The following ENDOD1 variants were observed in gnomAD, a reference collection of about 807,000 sequenced individuals.
ENDOD1 encodes endonuclease domain-containing 1 protein.
ENDOD1 carries 9 observed loss-of-function variants against 6.5 expected under a neutral mutation model. The ratio of observed to expected loss-of-function variants is 1.39; its 90% CI spans 0.84 to 2.43. ENDOD1 has a LOEUF of 2.43. ENDOD1 is among the 30% of genes most tolerant of loss of function. The pLI is 0.00. For synonymous variants in ENDOD1, 255 were observed against 255.2 expected (o/e 1.00, Z 0.01); for missense variants, 648 against 635.5 (o/e 1.02, Z -0.21).
At chr11:95,090,386 G>A (rs574038268) in intron 1 of ENDOD1, among the ~76,000 whole-genome samples, 159 bp downstream of exon 1, 4 of 33,940 alleles carry the variant, frequency 1.2e-4, no homozygotes, top group Admixed American at 7.0e-4. Context: ...CCACCCTGTT[G>A]CGTCCCCGGA....
intron 1 of ENDOD1, among the ~76,000 whole-genome samples, chr11:95,106,604 C>T (rs1859091369): frequency 6.6e-6 from 1 of 152,108 alleles, no homozygotes; most frequent in African/African-American, 2.4e-5. Flanking sequence ...GGAAGGAAGT[C>T]CTTGCTTACA....
At chr11:95,122,958 G>C (rs573082039) in intron 1 of ENDOD1, among the ~76,000 whole-genome samples, 1 of 152,094 alleles carries the variant, frequency 6.6e-6, no homozygotes, top group East Asian at 1.9e-4. Context: ...GGAGGCCGAG[G>C]CGGGCAGATC....
At chr11:95,115,919 A>G (rs1308669203) in intron 1 of ENDOD1, among the ~76,000 whole-genome samples, 1 of 152,156 alleles carries the variant, frequency 6.6e-6, no homozygotes, top group Non-Finnish European at 1.5e-5. Flanking sequence ...TTTTGCATCA[A>G]TATTCATCAG....
intron 1 of ENDOD1, among the ~76,000 whole-genome samples, chr11:95,098,465 CATTA>C (rs1309135730): frequency 6.6e-6 from 1 of 152,186 alleles, no homozygotes; most frequent in African/African-American, 2.4e-5. Flanking sequence ...AAACCCAGCA[CATTA>C]ATTATGTGAT....
rs1859359457 is a variant in ENDOD1 at position 95,130,351 on chromosome 11, A to T, written c.*772A>T. ...TTTTTTTTTGGGCCCCTTGAATGGT[A>T]TAATACAGTCCTCTCCGGTGGAAAG... On this transcript the variant is annotated 3_prime_UTR_variant, in exon 2 of 2. Transcript: ENST00000278505. The T allele has an allele frequency of 6.6e-6, 1 of 150,552 alleles. No individual in the cohort carries two copies. 9.3% of individuals were successfully genotyped at this position (150,552 alleles called of 1,614,324 possible). A position where few individuals can be genotyped will look rare whatever the true frequency, so the allele number is the denominator to read the frequency against.
rs753828963 is a variant in ENDOD1, at chr11:95,129,474, C to A, written c.1398C>A (p.Leu466=). 6.2e-7 allele frequency: 1 copy of A among 1,614,098 alleles called. No homozygotes were observed. Among genetic ancestry groups the A allele is most frequent in the African/African-American group, 1.3e-5 (1 of 74,926 alleles). Residue 466 remains leucine, a synonymous_variant, in exon 2 of 2, where the codon CTC becomes CTA. Transcript: ENST00000278505. The part of the protein sequence containing the change: ...ALGLGGTVSL[L]FDTAFGTLGG... ...GCCTTGGTGGCACTGTCTCACTGCT[C>A]TTTGACACTGCTTTTGGTACCCTGG...
intron 1 of ENDOD1, among the ~76,000 whole-genome samples, chr11:95,095,698 C>G (rs1858977307): frequency 1.3e-5 from 2 of 152,176 alleles, no homozygotes; most frequent in Admixed American, 1.3e-4. Flanking sequence ...CTCATCTCAT[C>G]TCTATAACAA....
intron 1 of ENDOD1, among the ~76,000 whole-genome samples, chr11:95,117,943 A>G (rs533421322): frequency 1.3e-5 from 2 of 151,992 alleles, no homozygotes; most frequent in South Asian, 2.1e-4. Flanking sequence ...TTTTGATTTG[A>G]GGTTACCATG....
At chr11:95,106,923 A>G (rs1331234254) in intron 1 of ENDOD1, among the ~76,000 whole-genome samples, 5 of 152,058 alleles carry the variant, frequency 3.3e-5, no homozygotes, top group Non-Finnish European at 5.9e-5. Context: ...GTGGTGAAGA[A>G]CAGGAGTCTG....
intron 1 of ENDOD1, among the ~76,000 whole-genome samples, chr11:95,126,701 A>G (rs1408974383): frequency 6.6e-6 from 1 of 152,066 alleles, no homozygotes; most frequent in African/African-American, 2.4e-5. Flanking sequence ...TGTTTTTGAG[A>G]TGGGGGTGTC....
chr11:95,107,548 G>A (rs1440065371), intron 1 of ENDOD1, among the ~76,000 whole-genome samples: 1 of 152,190 alleles, frequency 6.6e-6, no homozygotes, highest in Non-Finnish European at 1.5e-5. Flanking sequence ...GGAAAGGATA[G>A]CAGAGTGGAA....
chr11:95,098,931 T>C (rs1859011851), intron 1 of ENDOD1, among the ~76,000 whole-genome samples: 1 of 152,228 alleles, frequency 6.6e-6, no homozygotes, highest in Non-Finnish European at 1.5e-5. Flanking sequence ...TATTGAATGC[T>C]CTTGAATGAA....
At chr11:95,108,105 G>A (rs543000347) in intron 1 of ENDOD1, among the ~76,000 whole-genome samples, 1 of 152,224 alleles carries the variant, frequency 6.6e-6, no homozygotes, top group East Asian at 1.9e-4. Flanking sequence ...TTTCTTGCCT[G>A]CATTTATTGC....
chr11:95,111,118 C>A (rs1380926499), intron 1 of ENDOD1, among the ~76,000 whole-genome samples: 3 of 152,194 alleles, frequency 2.0e-5, no homozygotes, highest in African/African-American at 7.2e-5. Flanking sequence ...CCACAAACAG[C>A]TCCTCCTCCC....
rs187174952 is a variant in ENDOD1 at position 95,129,932 on chromosome 11, T to C, written c.*353T>C. The stretch of plus-strand genomic sequence containing the variant: ...GGAAGAACTAGAAAAAGAACAACTT[T>C]AGACCAAAGGTGTCTGAGAAAAGGA... On this transcript the variant is annotated 3_prime_UTR_variant, in exon 2 of 2. Transcript: ENST00000278505. 3.3e-4 allele frequency: 59 copies of C among 180,506 alleles called. No individual in the cohort carries two copies. The East Asian group carries it at 5.6e-3, about 17-fold the overall frequency. 11.2% of individuals were successfully genotyped at this position (180,506 alleles called of 1,614,324 possible).
At chr11:95,115,866 T>A (rs957409836) in intron 1 of ENDOD1, among the ~76,000 whole-genome samples, 9 of 152,178 alleles carry the variant, frequency 5.9e-5, no homozygotes, top group African/African-American at 1.9e-4. Context: ...ATGATCTTTT[T>A]AATGTATTAT....
chr11:95,119,594 G>A (rs1336961313), intron 1 of ENDOD1, among the ~76,000 whole-genome samples: 1 of 152,234 alleles, frequency 6.6e-6, no homozygotes, highest in African/African-American at 2.4e-5. Flanking sequence ...ACCACCGCTA[G>A]GACTGTGGTG....
intron 1 of ENDOD1, among the ~76,000 whole-genome samples, chr11:95,122,295 T>C (rs1345800139): frequency 6.6e-6 from 1 of 152,088 alleles, no homozygotes; most frequent in Non-Finnish European, 1.5e-5. Flanking sequence ...TGATCTTGGC[T>C]ACTGCAACCT....
chr11:95,116,897 G>A (rs1016077396), intron 1 of ENDOD1, among the ~76,000 whole-genome samples: 2 of 152,116 alleles, frequency 1.3e-5, no homozygotes, highest in Non-Finnish European at 2.9e-5. Context: ...TATGTTTTGC[G>A]ACCTATCACA....
Sources: allele counts gnomAD v4.1 joint callset (sites outside exome capture counted in the v4.1 genomes callset), GRCh38; gene constraint gnomAD v4.1.1; transcripts MANE v1.5; gene names NCBI Gene and HGNC (gene_info 2026-07-23, HGNC 2026-07-21).